Variants in ABCA13 observed in about 807,000 individuals in gnomAD.
ABCA13 encodes the protein ATP-binding cassette sub-family A member 13.
Under a neutral mutation model 478.7 loss-of-function variants are expected in ABCA13, and 476 were observed. The ratio of observed to expected loss-of-function variants is 0.99; its 90% CI spans 0.92 to 1.07. The LOEUF (loss-of-function observed/expected upper bound fraction) is 1.07, where lower values mean the gene tolerates loss of function less well. ABCA13 is among the 50% of genes least tolerant of loss of function. The pLI is 0.00. For missense variants in ABCA13, 6,060 were observed against 5,910.6 expected (o/e 1.03, Z -0.83); for synonymous variants, 2,252 against 2,158.9 (o/e 1.04, Z -1.20).
chr7:48,409,103 TGAGTA>T (rs1818648795), intron 39 of ABCA13, among the ~76,000 whole-genome samples: 1 of 152,228 alleles, frequency 6.6e-6, no homozygotes, highest in Non-Finnish European at 1.5e-5. Context: ...AACATTTACT[TGAGTA>T]GAGTTAAAGA....
At chr7:48,477,308 C>G (rs1281825320) in intron 45 of ABCA13, among the ~76,000 whole-genome samples, 1 of 152,096 alleles carries the variant, frequency 6.6e-6, no homozygotes, top group Non-Finnish European at 1.5e-5. Flanking sequence ...TAAACTAGTT[C>G]AACCATTGTG....
intron 55 of ABCA13, among the ~76,000 whole-genome samples, chr7:48,539,969 A>G (rs1158752837): frequency 4.6e-5 from 7 of 152,212 alleles, no homozygotes; most frequent in African/African-American, 1.7e-4. Context: ...AAAACTCAAC[A>G]TTAAGAGCTA....
rs187779529 is a variant in ABCA13 at position 48,556,650 on chromosome 7, A to G, written c.14355-23574A>G. 5.3e-5 allele frequency among the ~76,000 whole-genome samples: 8 copies of G among 151,970 alleles called. No homozygotes were observed. In the East Asian group the frequency reaches 1.5e-3, roughly 29 times the overall value. ...ATGCTACATTTTGGTTTCCATTTGC[A>G]TGGAATATAGTTTTTCCATCCCTTT... On this transcript the variant is annotated intron_variant, in intron 55 of 61. Coordinates refer to ENST00000435803, the MANE Select transcript of ABCA13 (RefSeq NM_152701.5).
chr7:48,360,475 T>C (rs1810652501), intron 31 of ABCA13, among the ~76,000 whole-genome samples: 1 of 152,038 alleles, frequency 6.6e-6, no homozygotes, highest in Non-Finnish European at 1.5e-5. Context: ...ATTCATGCTC[T>C]CCTGATAAGA....
intron 15 of ABCA13, among the ~76,000 whole-genome samples, chr7:48,256,797 G>A (rs1457673297): frequency 2.0e-5 from 3 of 152,034 alleles, no homozygotes; most frequent in Non-Finnish European, 4.4e-5. Context: ...TTGGCTATTC[G>A]GGCACTTTTT....
At chr7:48,596,785 A>T (rs1790332419) in intron 58 of ABCA13, among the ~76,000 whole-genome samples, 1 of 151,498 alleles carries the variant, frequency 6.6e-6, no homozygotes, top group Non-Finnish European at 1.5e-5. Context: ...GCGTCAGAGC[A>T]AGACTCCGTC....
intron 58 of ABCA13, among the ~76,000 whole-genome samples, chr7:48,606,577 C>T (rs1035722948): frequency 1.4e-4 from 21 of 152,208 alleles, no homozygotes; most frequent in African/African-American, 5.1e-4. Context: ...CCTGTTCTTT[C>T]CTCTGGAAGC....
In ABCA13 at chr7:48,278,588, C is replaced by T. The variant is rs368449779; in HGVS notation, c.7394C>T (p.Pro2465Leu). 6.2e-7 allele frequency: 1 copy of T among 1,613,728 alleles called. No individual in the cohort carries two copies. Among genetic ancestry groups the T allele is most frequent in the Non-Finnish European group, 8.5e-7 (1 of 1,179,832 alleles). ...DLLFFINNSF[P>L]LRNRATLEIT... ...CTTTTCTTTATAAATAATTCATTCC[C>T]TCTAAGAAACAGAGCAACATTAGAA... is the stretch of plus-strand genomic sequence containing the variant. Residue 2465 changes from proline to leucine, a missense_variant, in exon 18 of 62, where the codon CCT becomes CTT. By Grantham distance (98) the Pro-to-Leu change is moderately conservative. Around this residue, in one of 3 missense-constraint regions of ABCA13, gnomAD observed 4,423 missense variants for 4,309.1 expected, o/e 1.03. Coordinates refer to ENST00000435803, the MANE Select transcript of ABCA13 (RefSeq NM_152701.5).
At chr7:48,434,114 C>A (rs6583443) in intron 42 of ABCA13, among the ~76,000 whole-genome samples, 2 of 151,944 alleles carry the variant, frequency 1.3e-5, no homozygotes, top group Non-Finnish European at 2.9e-5. Flanking sequence ...GTGGTTGCAC[C>A]ATTTTACATT....
chr7:48,464,002 G>GT (rs1430750788), intron 43 of ABCA13, among the ~76,000 whole-genome samples: 2 of 152,168 alleles, frequency 1.3e-5, no homozygotes, highest in Non-Finnish European at 2.9e-5. Flanking sequence ...TTAGGAGTGT[G>GT]TATTTGTTCA....
At chr7:48,370,390 A>G (rs1812442066) in intron 32 of ABCA13, among the ~76,000 whole-genome samples, 1 of 151,948 alleles carries the variant, frequency 6.6e-6, no homozygotes, top group African/African-American at 2.4e-5. Context: ...TCATTTCTTT[A>G]TCTTGTTTGA....
intron 3 of ABCA13, among the ~76,000 whole-genome samples, chr7:48,210,049 A>G (rs1785424701): frequency 6.6e-6 from 1 of 152,192 alleles, no homozygotes; most frequent in Non-Finnish European, 1.5e-5. Flanking sequence ...TGCATACTGT[A>G]TTAGTCAATT....
chr7:48,356,522 C>T (rs920672788), intron 31 of ABCA13, among the ~76,000 whole-genome samples: 2 of 151,646 alleles, frequency 1.3e-5, no homozygotes, highest in African/African-American at 2.4e-5. Context: ...AGTGGAGAGA[C>T]CTACTATAGG....
intron 59 of ABCA13, among the ~76,000 whole-genome samples, chr7:48,617,632 G>C (rs1188113653): frequency 6.6e-6 from 1 of 152,166 alleles, no homozygotes; most frequent in Non-Finnish European, 1.5e-5. Context: ...GGTGCAACAA[G>C]AGCCTGCAAT....
At chr7:48,449,500 T>G (rs1824729538) in intron 42 of ABCA13, among the ~76,000 whole-genome samples, 1 of 152,224 alleles carries the variant, frequency 6.6e-6, no homozygotes, top group African/African-American at 2.4e-5. Flanking sequence ...GAAAATTACC[T>G]GTCCAAAATG....
intron 27 of ABCA13, among the ~76,000 whole-genome samples, chr7:48,333,216 C>T (rs1188663322): frequency 6.6e-6 from 1 of 152,188 alleles, no homozygotes; most frequent in African/African-American, 2.4e-5. Flanking sequence ...TCTGCCATCT[C>T]CATTCTTCTA....
chr7:48,337,673 A>C (rs73097192), intron 28 of ABCA13, among the ~76,000 whole-genome samples: 3,182 of 152,350 alleles, frequency 0.021, 112 homozygotes, highest in Admixed American at 0.09. Context: ...GCCTGGATAC[A>C]TCAGTATCTT....
At chr7:48,311,012 C>T (rs1447912125) in intron 24 of ABCA13, among the ~76,000 whole-genome samples, 1 of 152,038 alleles carries the variant, frequency 6.6e-6, no homozygotes, top group Non-Finnish European at 1.5e-5. Context: ...CAGAAGCTTC[C>T]CCTCTTACCC....
At chr7:48,339,117 T>C (rs912723781) in intron 29 of ABCA13, among the ~76,000 whole-genome samples, 1 of 152,122 alleles carries the variant, frequency 6.6e-6, no homozygotes, top group Admixed American at 6.5e-5. Flanking sequence ...AGAGGGAGGA[T>C]GGGTGTCAGG....
Sources: gnomAD v4.1 joint callset for allele counts (sites outside exome capture counted in the v4.1 genomes callset) on GRCh38, gnomAD v4.1.1 for gene constraint, gnomAD v4.1.1 regional missense constraint, MANE v1.5 for transcripts, NCBI Gene and HGNC (gene_info 2026-07-23, HGNC 2026-07-21) for gene names.